COL18A1: variants seen among roughly 807,000 people sequenced by gnomAD.
COL18A1 encodes collagen alpha-1(XVIII) chain.
A neutral mutation model predicts 168.0 loss-of-function variants in COL18A1; 133 were observed. The ratio of observed to expected loss-of-function variants is 0.79; its 90% CI spans 0.69 to 0.91. COL18A1 has a LOEUF of 0.91. COL18A1 is among the 40% of genes least tolerant of loss of function. COL18A1 has a pLI of 0.00. For synonymous variants in COL18A1, 949 were observed against 809.0 expected, an observed-to-expected ratio of 1.17 and a Z score of -2.94; for missense variants, 2,126 against 1,925.4, an observed-to-expected ratio of 1.10 and a Z score of -1.95.
At chr21:45,489,221 G>C (rs376584201) in intron 18 of COL18A1, among the ~76,000 whole-genome samples, 1 of 152,210 alleles carries the variant, frequency 6.6e-6, no homozygotes, top group Non-Finnish European at 1.5e-5. Flanking sequence ...CCGTCTCAGC[G>C]GGGTTCCTCT....
chr21:45,451,505 T>G (rs921760035), intron 2 of COL18A1, among the ~76,000 whole-genome samples: 1 of 152,180 alleles, frequency 6.6e-6, no homozygotes, highest in African/African-American at 2.4e-5. Flanking sequence ...CCCACGGGGT[T>G]GGCGAGCCAT....
Position 45,479,885 on chromosome 21 carries a change from C to T in COL18A1, c.1249-17C>T, listed in dbSNP as rs374049871. Reference sequence around the variant, plus strand: ...GTGGTGCCTTCCCTGACCGGGCCCCCGGATGTTGTGTTCCAGGGCGACACC... The same window carrying T: ...GTGGTGCCTTCCCTGACCGGGCCCCTGGATGTTGTGTTCCAGGGCGACACC... On this transcript the variant is annotated splice_polypyrimidine_tract_variant and intron_variant, in intron 9 of 41. Coordinates refer to ENST00000651438, the MANE Select transcript of COL18A1 (RefSeq NM_001379500.1). 1.5e-4 allele frequency: 247 copies of T among 1,613,352 alleles called. No individual in the cohort carries two copies. The African/African-American group carries it at 2.6e-3, about 17-fold the overall frequency.
rs184608429 is a variant in COL18A1, at chr21:45,460,686, C to T, written c.107-7556C>T. The stretch of plus-strand genomic sequence containing the variant: ...AATGCTTTGATTTGTTTGATGTTTC[C>T]ATGTAACTTTGGTTTAAGAAGGGAG... On this transcript the variant is annotated intron_variant, in intron 2 of 41. Transcript: ENST00000651438. Among the ~76,000 whole-genome samples, 856 of 152,308 alleles carry T rather than the reference C, an allele frequency of 5.6e-3. 4 individuals are homozygous for T. Among genetic ancestry groups the T allele is most frequent in the Non-Finnish European group, 9.9e-3 (671 of 68,024 alleles).
intron 32 of COL18A1, chr21:45,502,866 C>G (rs865806778): frequency 2.0e-5 from 3 of 152,182 alleles, no homozygotes; most frequent in African/African-American, 4.8e-5. Flanking sequence ...ACGTCTCCCA[C>G]GTAAGCCCCA....
Position 45,457,003 on chromosome 21 carries a change from G to A in COL18A1, c.107-11239G>A, listed in dbSNP as rs1248327921. 9.7e-6 allele frequency: 8 copies of A among 821,178 alleles called. No homozygotes were observed. Among genetic ancestry groups the A allele is most frequent in the Admixed American group, 3.8e-5 (1 of 26,336 alleles). 50.9% of individuals were successfully genotyped at this position (821,178 alleles called of 1,614,324 possible). ...ATCGAATCTCTACGTTCAGGGGCCCGTGGCCCTCGGGAGGTGGGAGAGCTG... is the reference window on the plus strand; with the variant it reads ...ATCGAATCTCTACGTTCAGGGGCCCATGGCCCTCGGGAGGTGGGAGAGCTG... On this transcript the variant is annotated intron_variant, in intron 2 of 41. Coordinates refer to ENST00000651438, the MANE Select transcript of COL18A1 (RefSeq NM_001379500.1). The surrounding 1 kb of genome is among the most constrained non-coding windows in gnomAD (Gnocchi z 4.6).
Position 45,495,408 on chromosome 21 carries a change from T to A in COL18A1, c.2484T>A (p.Asp828Glu), listed in dbSNP as rs2036496227. The A allele has an allele frequency of 3.7e-6, 6 of 1,611,262 alleles. No homozygotes were observed. Among genetic ancestry groups the A allele is most frequent in the Non-Finnish European group, 5.1e-6 (6 of 1,178,882 alleles). ...AAGGAGAGAAAGGGGAGCCGGGAGATGCCAGCCTTGGATTTGGCATGAGGG... is the reference window on the plus strand; with the variant it reads ...AAGGAGAGAAAGGGGAGCCGGGAGAAGCCAGCCTTGGATTTGGCATGAGGG... Reference protein sequence around the residue: ...GLKGEKGEPGDASLGFGMRGM... With the variant: ...GLKGEKGEPGEASLGFGMRGM... The change falls in exon 29 of 42, where the codon GAT (aspartate) becomes GAA (glutamate). Residue 828 changes from aspartate (D) to glutamate (E), a missense_variant. Asp to Glu is a conservative substitution (Grantham distance 45). Transcript: ENST00000651438.
intron 2 of COL18A1, among the ~76,000 whole-genome samples, chr21:45,437,244 GTACA>G (rs1383212345): frequency 8.2e-5 from 6 of 73,260 alleles, no homozygotes; most frequent in African/African-American, 1.5e-4. Context: ...GCACTCTCCT[GTACA>G]CACACACACT....
chr21:45,472,976 G>A (rs1037734811), intron 3 of COL18A1, among the ~76,000 whole-genome samples: 6 of 152,214 alleles, frequency 3.9e-5, no homozygotes, highest in East Asian at 1.9e-4. Flanking sequence ...GGGCCCAGCC[G>A]GCATGGGGAG....
chr21:45,413,126 G>A (rs538175391), intron 2 of COL18A1, among the ~76,000 whole-genome samples: 9 of 152,326 alleles, frequency 5.9e-5, no homozygotes, highest in Admixed American at 1.3e-4. Flanking sequence ...TAGGGGGGAC[G>A]CCACAGTGGA....
chr21:45,490,374 CA>C (rs748890442), intron 20 of COL18A1, 28 bp downstream of exon 20: 273 of 1,529,532 alleles, frequency 1.8e-4, no homozygotes, highest in Middle Eastern at 5.2e-4. Flanking sequence ...GCCCAGGGTG[CA>C]GGGGGGGCGT....
At chr21:45,474,091 T>C in intron 4 of COL18A1, 110 bp downstream of exon 4, 1 of 804,410 alleles carries the variant, frequency 1.2e-6, no homozygotes, top group Non-Finnish European at 2.1e-6. Flanking sequence ...CTTGGGGCAC[T>C]GGGAAGCTGC....
chr21:45,418,642 C>T (rs982690269), intron 2 of COL18A1, among the ~76,000 whole-genome samples: 7 of 76,142 alleles, frequency 9.2e-5, no homozygotes, highest in Admixed American at 5.2e-4. Context: ...TGTCCACAGC[C>T]CGCCCTCCTT....
intron 15 of COL18A1, among the ~76,000 whole-genome samples, chr21:45,485,909 C>T (rs894715590): frequency 2.0e-5 from 3 of 152,252 alleles, no homozygotes; most frequent in East Asian, 1.9e-4. Flanking sequence ...CTATCTCATT[C>T]CGCTCTGTCC....
In COL18A1 at chr21:45,502,145, A is replaced by G. The variant is rs116311392; in HGVS notation, c.2684-1866A>G. Among the ~76,000 whole-genome samples, 1,354 of 151,384 alleles carry G rather than the reference A, an allele frequency of 8.9e-3. 35 individuals carry two copies. The highest frequency in any genetic ancestry group is 0.031 in the African/African-American group (1,279 of 40,718). ...CGGAGCAGGGCCCAGCCCGAGAGGG[A>G]GCACGGGTCCTGACAGCAGCAGTGA... On this transcript the variant is annotated intron_variant, in intron 32 of 41. Transcript: ENST00000651438.
At chr21:45,417,802 G>A (rs2033488794) in intron 2 of COL18A1, among the ~76,000 whole-genome samples, 1 of 152,232 alleles carries the variant, frequency 6.6e-6, no homozygotes, top group Non-Finnish European at 1.5e-5. Flanking sequence ...CCATGAAGTG[G>A]TGAAGGAGGT....
Position 45,480,163 on chromosome 21 carries a change from C to A in COL18A1, c.1398+7C>A. The A allele has an allele frequency of 6.5e-7, 1 of 1,533,202 alleles. No homozygotes were observed. The highest frequency in any genetic ancestry group is 1.1e-5 in the South Asian group (1 of 88,860). 95.0% of individuals were successfully genotyped at this position (1,533,202 alleles called of 1,614,324 possible). A position where few individuals can be genotyped will look rare whatever the true frequency, so the allele number is the denominator to read the frequency against. ...CTTCAGACACGACAAGCTGGTAAGT[C>A]CCGCCCTTGGCTTCCTGCGACCCGG... On this transcript the variant is annotated splice_region_variant and intron_variant, in intron 11 of 41. Transcript: ENST00000651438.
At chr21:45,439,855 A>G (rs908660739) in intron 2 of COL18A1, among the ~76,000 whole-genome samples, 1 of 152,236 alleles carries the variant, frequency 6.6e-6, no homozygotes, top group African/African-American at 2.4e-5. Flanking sequence ...TGTGAAGTCC[A>G]TTACAGTCTC....
intron 29 of COL18A1, 87 bp downstream of exon 29, chr21:45,495,519 TC>T: frequency 8.7e-7 from 1 of 1,150,468 alleles, no homozygotes; most frequent in Non-Finnish European, 1.3e-6. Context: ...CTGCAGCTCC[TC>T]CCAGAGGCCA....
chr21:45,476,777 G>A (rs992105975), intron 6 of COL18A1, among the ~76,000 whole-genome samples: 2 of 151,610 alleles, frequency 1.3e-5, no homozygotes, highest in African/African-American at 4.9e-5. Context: ...TGTATTGTGT[G>A]TGGTGTGGTG....
Sources: gnomAD v4.1 joint callset for allele counts (sites outside exome capture counted in the v4.1 genomes callset) on GRCh38, gnomAD v4.1.1 for gene constraint, Gnocchi (gnomAD v3.1) non-coding constraint, MANE v1.5 for transcripts, NCBI Gene and HGNC (gene_info 2026-07-23, HGNC 2026-07-21) for gene names.